Variants in ZFHX3 observed in about 807,000 individuals in gnomAD.
The protein encoded by ZFHX3 is zinc finger homeobox 3, also known as zinc finger homeobox protein 3.
A neutral mutation model predicts 279.1 loss-of-function variants in ZFHX3; 42 were observed. The observed-to-expected ratio is 0.15, with a 90% CI of 0.12 to 0.19. The LOEUF (loss-of-function observed/expected upper bound fraction) is 0.19, where lower values mean the gene tolerates loss of function less well. Among genes scored for constraint, ZFHX3 ranks in the 10% least tolerant of loss-of-function variants. ZFHX3 has a pLI of 1.00. For missense variants in ZFHX3, 4,981 were observed against 4,754.0 expected (o/e 1.05, Z -1.40); for synonymous variants, 2,293 against 1,957.8 (o/e 1.17, Z -4.52).
intron 1 of ZFHX3, among the ~76,000 whole-genome samples, chr16:73,703,682 G>C (rs899262494): frequency 6.6e-6 from 1 of 152,106 alleles, no homozygotes; most frequent in African/African-American, 2.4e-5. Flanking sequence ...GTCCCGGGAG[G>C]TGCCTGGCAG....
At chr16:73,422,462 A>G (rs2017735853) in intron 3 of ZFHX3, among the ~76,000 whole-genome samples, 1 of 152,188 alleles carries the variant, frequency 6.6e-6, no homozygotes, top group Non-Finnish European at 1.5e-5. Context: ...AAGCACAGTG[A>G]CTGGCACACA....
chr16:73,757,666 G>T (rs1197734355), intron 1 of ZFHX3, among the ~76,000 whole-genome samples: 1 of 152,178 alleles, frequency 6.6e-6, no homozygotes, highest in Non-Finnish European at 1.5e-5. Context: ...TTATTATTAT[G>T]TGAGGGCATT....
At chr16:73,127,499 A>G in intron 7 of ZFHX3, 1 of 1,305,372 alleles carries the variant, frequency 7.7e-7, no homozygotes, top group Non-Finnish European at 1.0e-6. Context: ...GTCCCTGGTG[A>G]TGGATGGGGG....
exon 1 of ZFHX3, chr16:73,058,962 C>A (rs377315488): frequency 5.9e-6 from 1 of 168,878 alleles, no homozygotes; most frequent in Non-Finnish European, 1.2e-5. Context: ...GAGGAGGAGG[C>A]GGCGGCGGTG....
At chr16:73,291,934 T>C (rs969818272) in intron 4 of ZFHX3, among the ~76,000 whole-genome samples, 3 of 152,182 alleles carry the variant, frequency 2.0e-5, no homozygotes, top group African/African-American at 7.2e-5. Flanking sequence ...TTGATAATGT[T>C]TTATTTACAT....
chr16:72,887,931 CGTGAG>C (rs981196886), intron 4 of ZFHX3, among the ~76,000 whole-genome samples: 22 of 151,826 alleles, frequency 1.4e-4, no homozygotes, highest in Non-Finnish European at 3.2e-4. Flanking sequence ...GTGCCGTCTG[CGTGAG>C]TCTGTGGTTG....
intron 3 of ZFHX3, among the ~76,000 whole-genome samples, chr16:73,367,406 A>T (rs1255343686): frequency 6.6e-6 from 1 of 152,238 alleles, no homozygotes; most frequent in Non-Finnish European, 1.5e-5. Context: ...CCACTTAGAA[A>T]AACACATGTT....
In ZFHX3 at chr16:72,796,968, G is replaced by C. The variant is rs140265460; in HGVS notation, c.5714C>G (p.Pro1905Arg). 6.2e-7 allele frequency: 1 copy of C among 1,613,784 alleles called. No individual in the cohort carries two copies. The highest frequency in any genetic ancestry group is 1.1e-5 in the South Asian group (1 of 91,060). The change falls in exon 9 of 10, where the codon CCG becomes CGG. Residue 1905 changes from proline (P) to arginine (R), a missense_variant. By Grantham distance (103) the Pro-to-Arg change is moderately radical. Around this residue, in one of 7 missense-constraint regions of ZFHX3, gnomAD observed 1,751 missense variants for 1,770.0 expected, o/e 0.99. Coordinates refer to ENST00000268489, the MANE Select transcript of ZFHX3 (RefSeq NM_006885.4). ...SAEGGEGNTGPKETLPDALKA... is the reference protein window; with the variant it reads ...SAEGGEGNTGRKETLPDALKA... ...CAAGGCATCTGGCAGTGTTTCCTTC[G>C]GACCGGTGTTGCCCTCTCCCCCCTC...
In ZFHX3 at chr16:73,694,024, TA is replaced by T. The variant is rs376731332; in HGVS notation, c.-1607-13785del. On this transcript the variant is annotated intron_variant, in intron 1 of 17. Coordinates refer to the ZFHX3 transcript ENST00000641206. ...ACATGATGGGGTGTTTCGTTTTAGCTAAAAAAAAAAAAAAATTGCTAGGCAC... is the reference window on the plus strand; with the variant it reads ...ACATGATGGGGTGTTTCGTTTTAGCTAAAAAAAAAAAAAATTGCTAGGCAC... 8.0e-3 allele frequency among the ~76,000 whole-genome samples: 1,172 copies of T among 146,408 alleles called. 16 individuals are homozygous for T. The highest frequency in any genetic ancestry group is 0.027 in the African/African-American group (1,058 of 39,680).
At chr16:72,974,483 G>A (rs760142105) in intron 1 of ZFHX3, among the ~76,000 whole-genome samples, 10 of 151,810 alleles carry the variant, frequency 6.6e-5, no homozygotes, top group Non-Finnish European at 1.3e-4. Flanking sequence ...GCTCACCATC[G>A]GCAGCTTGCT....
chr16:73,303,823 G>A (rs576152942), intron 4 of ZFHX3, among the ~76,000 whole-genome samples: 6 of 152,110 alleles, frequency 3.9e-5, no homozygotes, highest in Admixed American at 6.5e-5. Context: ...GGAGGCCACC[G>A]ATTTGGACTA....
intron 3 of ZFHX3, among the ~76,000 whole-genome samples, chr16:73,359,659 C>A (rs2016403367): frequency 6.6e-6 from 1 of 152,196 alleles, no homozygotes; most frequent in South Asian, 2.1e-4. Context: ...GCCGGACCAG[C>A]TGTGGCATGG....
At position 73,723,316 on chromosome 16, in the gene ZFHX3, G is replaced by A. The variant is rs867172968; in HGVS notation, c.-1607-43076C>T. On this transcript the variant is annotated intron_variant, in intron 1 of 17. Transcript: ENST00000641206. Reference sequence around the variant, plus strand: ...CATAAGAAAAATAAGATATTCAGAAGGTAGATTCTTCAGCTATAATGATAT... The same window carrying A: ...CATAAGAAAAATAAGATATTCAGAAAGTAGATTCTTCAGCTATAATGATAT... Among the ~76,000 whole-genome samples, 6 of 152,280 alleles carry A rather than the reference G, an allele frequency of 3.9e-5. No individual in the cohort carries two copies. The South Asian group carries it at 1.2e-3, about 32-fold the overall frequency.
At chr16:73,271,625 G>GGAAC (rs2014147985) in intron 4 of ZFHX3, among the ~76,000 whole-genome samples, 2 of 152,240 alleles carry the variant, frequency 1.3e-5, no homozygotes, top group Non-Finnish European at 2.9e-5. Flanking sequence ...GATGATAATA[G>GGAAC]GAACAGCTGT....
At chr16:72,901,955 G>A (rs542482495) in intron 3 of ZFHX3, among the ~76,000 whole-genome samples, 280 of 152,092 alleles carry the variant, frequency 1.8e-3, no homozygotes, top group Middle Eastern at 0.01. Context: ...ATATTGTTCC[G>A]CCTCAAGATG....
chr16:73,165,462 C>A (rs546476304), intron 5 of ZFHX3, among the ~76,000 whole-genome samples: 1 of 152,336 alleles, frequency 6.6e-6, no homozygotes, highest in Admixed American at 6.5e-5. Flanking sequence ...GGCAATGTGT[C>A]TTTGCTGTGG....
intron 2 of ZFHX3, among the ~76,000 whole-genome samples, chr16:73,528,131 A>C (rs946734893): frequency 2.0e-5 from 3 of 152,204 alleles, no homozygotes; most frequent in African/African-American, 7.2e-5. Context: ...GAGCTTTGAC[A>C]TATGGGAAAC....
At chr16:72,951,107 G>C in intron 2 of ZFHX3, 142 bp from the exon 3 acceptor site, 1 of 1,189,816 alleles carries the variant, frequency 8.4e-7, no homozygotes, top group South Asian at 1.5e-5. Context: ...AGGGCTACTG[G>C]CTGGAAAACA....
intron 5 of ZFHX3, among the ~76,000 whole-genome samples, chr16:73,240,118 T>A (rs1011690043): frequency 6.6e-6 from 1 of 152,124 alleles, no homozygotes; most frequent in Admixed American, 6.5e-5. Context: ...CATACCTGAA[T>A]GAAGCTTAAT....
Sources: allele counts gnomAD v4.1 joint callset (sites outside exome capture counted in the v4.1 genomes callset), GRCh38; gene constraint gnomAD v4.1.1; regional missense constraint gnomAD v4.1.1; transcripts MANE v1.5; gene names NCBI Gene and HGNC (gene_info 2026-07-23, HGNC 2026-07-21).